Variants in REDIC1 observed in about 807,000 individuals in gnomAD.
REDIC1 encodes the protein regulator of DNA class I crossover intermediates 1.
the REDIC1 span, among the ~76,000 whole-genome samples, chr12:39,729,074 G>A: frequency 1.3e-5 from 2 of 151,804 alleles, no homozygotes; most frequent in Non-Finnish European, 2.9e-5. Flanking sequence ...TCTGGCTAGT[G>A]GTCTATCTAT....
At chr12:39,857,880 T>G in the REDIC1 span, among the ~76,000 whole-genome samples, 1 of 152,206 alleles carries the variant, frequency 6.6e-6, no homozygotes, top group Non-Finnish European at 1.5e-5. Context: ...GAAATGCTTT[T>G]CCTTCATCTT....
chr12:39,712,108 A>G, the REDIC1 span, among the ~76,000 whole-genome samples: 1 of 133,514 alleles, frequency 7.5e-6, no homozygotes, highest in African/African-American at 2.7e-5. Context: ...ATACCTGTAT[A>G]TATACCTGTA....
the REDIC1 span, among the ~76,000 whole-genome samples, chr12:39,866,130 A>C: frequency 6.6e-6 from 1 of 152,272 alleles, no homozygotes; most frequent in Admixed American, 6.5e-5. Context: ...GTAGTAGTTA[A>C]GGTTTTATTA....
At chr12:39,830,575 G>T in the REDIC1 span, 1 of 763,568 alleles carries the variant, frequency 1.3e-6, no homozygotes, top group Non-Finnish European at 1.6e-6. Context: ...CTGCCTCATT[G>T]TGATCCAGCC....
the REDIC1 span, among the ~76,000 whole-genome samples, chr12:39,641,744 A>C: frequency 8.9e-4 from 135 of 151,874 alleles, no homozygotes; most frequent in Middle Eastern, 3.4e-3. Context: ...AGAAAAAAAA[A>C]CCCAATAATG....
the REDIC1 span, among the ~76,000 whole-genome samples, chr12:39,629,749 C>T: frequency 6.6e-6 from 1 of 152,038 alleles, no homozygotes; most frequent in South Asian, 2.1e-4. Flanking sequence ...TCACTGAGGG[C>T]AAAGAGATTG....
At chr12:39,861,574 T>TCTTA in the REDIC1 span, among the ~76,000 whole-genome samples, 96 of 152,334 alleles carry the variant, frequency 6.3e-4, no homozygotes, top group African/African-American at 2.3e-3. Context: ...CTTGGCTAGC[T>TCTTA]CTTATGAGAA....
chr12:39,649,102 CTATT>C, the REDIC1 span, among the ~76,000 whole-genome samples: 3 of 151,800 alleles, frequency 2.0e-5, no homozygotes, highest in Admixed American at 2.0e-4. Flanking sequence ...TGTGTAATCT[CTATT>C]TAACTTTCTT....
chr12:39,711,720 TGC>T, the REDIC1 span, among the ~76,000 whole-genome samples: 85 of 57,290 alleles, frequency 1.5e-3, 4 homozygotes, highest in African/African-American at 4.0e-3. Context: ...TGCATGTGTA[TGC>T]ACATGCATGT....
chr12:39,749,247 G>A, the REDIC1 span, among the ~76,000 whole-genome samples: 12 of 152,008 alleles, frequency 7.9e-5, no homozygotes, highest in Admixed American at 2.0e-4. Flanking sequence ...TATCACCACC[G>A]ATCCCACAGA....
At chr12:39,813,391 CT>C in the REDIC1 span, among the ~76,000 whole-genome samples, 23 of 152,082 alleles carry the variant, frequency 1.5e-4, no homozygotes, top group African/African-American at 5.6e-4. Context: ...CTTTCAACAA[CT>C]GTAAACACAT....
chr12:39,875,851 G>A, the REDIC1 span, among the ~76,000 whole-genome samples: 2 of 151,942 alleles, frequency 1.3e-5, no homozygotes, highest in African/African-American at 4.8e-5. Context: ...TTAAGTAATG[G>A]GCTACCTACC....
the REDIC1 span, chr12:39,626,284 T>C: frequency 6.2e-7 from 1 of 1,606,668 alleles, no homozygotes; most frequent in East Asian, 2.2e-5. Flanking sequence ...GGCGCAGAGC[T>C]GAGATGTCTG....
chr12:39,898,154 A>C, the REDIC1 span, among the ~76,000 whole-genome samples: 1 of 152,148 alleles, frequency 6.6e-6, no homozygotes, highest in Admixed American at 6.6e-5. Context: ...TTCCATTTGT[A>C]GAAGTATTCC....
the REDIC1 span, chr12:39,830,495 G>C: frequency 8.6e-7 from 1 of 1,161,432 alleles, no homozygotes; most frequent in Non-Finnish European, 1.1e-6. Flanking sequence ...ATGTAGAAGA[G>C]TCCCCATCAA....
chr12:39,683,115 C>T, the REDIC1 span: 23 of 1,605,210 alleles, frequency 1.4e-5, no homozygotes, highest in Non-Finnish European at 2.0e-5. Context: ...AGAACGATTA[C>T]TACCCAAGCA....
the REDIC1 span, among the ~76,000 whole-genome samples, chr12:39,719,466 TAGTC>T: frequency 6.6e-5 from 10 of 151,916 alleles, no homozygotes; most frequent in East Asian, 1.6e-3. Context: ...TACAAAAAAT[TAGTC>T]AGACATGGTG....
the REDIC1 span, chr12:39,626,283 C>T: frequency 2.5e-6 from 4 of 1,607,364 alleles, no homozygotes; most frequent in Non-Finnish European, 3.4e-6. Context: ...TGGCGCAGAG[C>T]TGAGATGTCT....
At chr12:39,700,833 A>G in the REDIC1 span, among the ~76,000 whole-genome samples, 1 of 152,108 alleles carries the variant, frequency 6.6e-6, no homozygotes, top group African/African-American at 2.4e-5. Flanking sequence ...ATCCAGCCAA[A>G]CTAAGCTTCA....
Sources: gnomAD v4.1 joint callset for allele counts (sites outside exome capture counted in the v4.1 genomes callset) on GRCh38, gnomAD v4.1.1 for gene constraint, MANE v1.5 for transcripts, NCBI Gene and HGNC (gene_info 2026-07-23, HGNC 2026-07-21) for gene names.